TAF2: variants seen among roughly 807,000 people sequenced by gnomAD.
The protein encoded by TAF2 is TATA-box binding protein associated factor 2.
TAF2 carries 61 observed loss-of-function variants against 138.5 expected under a neutral mutation model. That is an observed-to-expected ratio of 0.44 (90% confidence interval 0.36 to 0.54). The LOEUF is 0.54. Among genes scored for constraint, TAF2 ranks in the 20% least tolerant of loss-of-function variants. The pLI, the probability that TAF2 is intolerant of heterozygous loss-of-function variation, is 0.00. For missense variants in TAF2, 1,090 were observed against 1,427.9 expected (o/e 0.76, Z 3.81); for synonymous variants, 475 against 469.9 (o/e 1.01, Z -0.14).
chr8:119,770,014 C>T (rs2131089701), intron 18 of TAF2, among the ~76,000 whole-genome samples: 1 of 152,028 alleles, frequency 6.6e-6, no homozygotes, highest in African/African-American at 2.4e-5. Flanking sequence ...ATCTCAGCCT[C>T]CCAAAGTGCT....
rs984006058 is a variant in TAF2, at chr8:119,802,848, G to GTTGCATGAGCCGAGA, written c.561-838_561-824dup. On this transcript the variant is annotated intron_variant, in intron 5 of 25. Coordinates refer to ENST00000378164, the MANE Select transcript of TAF2 (RefSeq NM_003184.4). ...GATCACTTGAACCTGGAAGGTGGAG[G>GTTGCATGAGCCGAGA]TTGCATGAGCCGAGATTGCATGAGC... is the stretch of plus-strand genomic sequence containing the variant. Among the ~76,000 whole-genome samples the GTTGCATGAGCCGAGA allele has an allele frequency of 3.3e-5, 5 of 152,238 alleles. 1 individual carries two copies. The South Asian group carries it at 8.3e-4, about 25-fold the overall frequency.
chr8:119,785,054 T>C, intron 15 of TAF2, 147 bp downstream of exon 15: 1 of 626,460 alleles, frequency 1.6e-6, no homozygotes, highest in Non-Finnish European at 2.7e-6. Flanking sequence ...TTACATAAAC[T>C]GTTTTAACAT....
chr8:119,735,948 CAG>C (rs1279420125), intron 25 of TAF2, among the ~76,000 whole-genome samples: 1 of 152,174 alleles, frequency 6.6e-6, no homozygotes, highest in Non-Finnish European at 1.5e-5. Flanking sequence ...TCTATATCAA[CAG>C]ACTTTGCAGC....
intron 21 of TAF2, 76 bp from the exon 22 acceptor site, chr8:119,756,191 C>T: frequency 2.0e-6 from 2 of 991,070 alleles, no homozygotes; most frequent in South Asian, 1.3e-5. Context: ...AACATAAACA[C>T]TGAAAAATTA....
intron 22 of TAF2, among the ~76,000 whole-genome samples, chr8:119,750,463 T>C (rs1820273342): frequency 1.3e-5 from 2 of 152,372 alleles, no homozygotes; most frequent in South Asian, 4.1e-4. Context: ...TATTGATGGC[T>C]GAAGCTTAGA....
intron 16 of TAF2, among the ~76,000 whole-genome samples, chr8:119,781,813 G>A (rs1301008132): frequency 2.0e-5 from 3 of 151,462 alleles, no homozygotes; most frequent in Admixed American, 1.3e-4. Context: ...TCAGCCTCCT[G>A]AGTAGCTGGA....
chr8:119,806,194 G>A, intron 4 of TAF2, 89 bp downstream of exon 4: 1 of 1,104,404 alleles, frequency 9.1e-7, no homozygotes, highest in South Asian at 1.2e-5. Context: ...GAGGCACAGT[G>A]CCTGCATCAT....
Position 119,746,686 on chromosome 8 carries a change from T to TA in TAF2, c.3108+18dup. On this transcript the variant is annotated intron_variant, in intron 23 of 25. Coordinates refer to ENST00000378164, the MANE Select transcript of TAF2 (RefSeq NM_003184.4). ...CTATATAATGAAACTACGTCTTCTG[T>TA]AATACATGTGATTCTTACAGGGTTC... 6.2e-7 allele frequency: 1 copy of TA among 1,610,206 alleles called. No individual in the cohort carries two copies. Among genetic ancestry groups the TA allele is most frequent in the Non-Finnish European group, 8.5e-7 (1 of 1,176,388 alleles).
intron 3 of TAF2, among the ~76,000 whole-genome samples, chr8:119,807,661 A>T (rs1393639594): frequency 6.6e-6 from 1 of 152,246 alleles, no homozygotes; most frequent in Non-Finnish European, 1.5e-5. Context: ...ACGGTGGCTC[A>T]TGCCTGTAAT....
intron 24 of TAF2, among the ~76,000 whole-genome samples, chr8:119,742,998 G>A (rs1315594082): frequency 2.0e-5 from 3 of 151,930 alleles, no homozygotes; most frequent in African/African-American, 7.3e-5. Context: ...GAACCCGGGA[G>A]GCAAAGGCTG....
rs568117243 is a variant in TAF2, at chr8:119,791,651, G to A, written c.1278-192C>T. The A allele has an allele frequency of 2.0e-4, 115 of 566,692 alleles. 1 individual carries two copies. In the South Asian group the frequency reaches 2.2e-3, roughly 11 times the overall value. The allele number at this position is 566,692 out of a possible 1,614,324, so 35.1% of individuals were successfully genotyped here. A position where few individuals can be genotyped will look rare whatever the true frequency, so the allele number is the denominator to read the frequency against. On this transcript the variant is annotated intron_variant, in intron 10 of 25. Transcript: ENST00000378164. ...ATGAAGTTTTACTTAAGGACATAAA[G>A]GAAAATCTGAATAAATGGAAACAAA...
chr8:119,760,309 GA>G (rs1199189999), intron 20 of TAF2: 1 of 291,168 alleles, frequency 3.4e-6, no homozygotes, highest in Non-Finnish European at 6.5e-6. Context: ...ATCCTTCTTA[GA>G]AATTTCTCAA....
intron 15 of TAF2, among the ~76,000 whole-genome samples, chr8:119,784,108 T>A (rs1461733221): frequency 2.6e-5 from 4 of 152,222 alleles, no homozygotes; most frequent in South Asian, 2.1e-4. Flanking sequence ...TTTATTTTCA[T>A]GTATTTCTCA....
At chr8:119,815,226 G>C (rs1311312094) in intron 3 of TAF2, among the ~76,000 whole-genome samples, 1 of 151,750 alleles carries the variant, frequency 6.6e-6, no homozygotes, top group Non-Finnish European at 1.5e-5. Flanking sequence ...AGGTTGCAGT[G>C]ATCAGAGATT....
At chr8:119,743,907 T>C (rs1295169029) in intron 24 of TAF2, among the ~76,000 whole-genome samples, 1 of 152,112 alleles carries the variant, frequency 6.6e-6, no homozygotes, top group Non-Finnish European at 1.5e-5. Context: ...TAATATTATA[T>C]GAGATAGGCA....
At chr8:119,751,073 G>A (rs924481293) in intron 22 of TAF2, among the ~76,000 whole-genome samples, 1 of 151,882 alleles carries the variant, frequency 6.6e-6, no homozygotes, top group African/African-American at 2.4e-5. Context: ...AAAATATGGA[G>A]CCCCAATAAA....
At chr8:119,732,243 A>G in intron 25 of TAF2, 57 bp from the exon 26 acceptor site, 1 of 1,533,730 alleles carries the variant, frequency 6.5e-7, no homozygotes, top group South Asian at 1.1e-5. Flanking sequence ...AAGCCAGACT[A>G]AAGAAAGAGG....
chr8:119,744,589 A>G, intron 23 of TAF2, 196 bp from the exon 24 acceptor site: 3 of 595,570 alleles, frequency 5.0e-6, no homozygotes, highest in South Asian at 2.0e-5. Flanking sequence ...AAAGAAGCCA[A>G]TTAGAAATTA....
chr8:119,788,297 G>T, intron 14 of TAF2, 41 bp downstream of exon 14: 1 of 1,532,274 alleles, frequency 6.5e-7, no homozygotes, highest in Non-Finnish European at 9.0e-7. Context: ...TGTGAGATTT[G>T]TAGTTTAACT....
Sources: gnomAD v4.1 joint callset for allele counts (sites outside exome capture counted in the v4.1 genomes callset) on GRCh38, gnomAD v4.1.1 for gene constraint, MANE v1.5 for transcripts, NCBI Gene and HGNC (gene_info 2026-07-23, HGNC 2026-07-21) for gene names.